Variants in SGK3 observed in about 807,000 individuals in gnomAD.
SGK3 encodes the protein serum/glucocorticoid regulated kinase family member 3, also known as serine/threonine-protein kinase Sgk3.
SGK3 carries 47 observed loss-of-function variants against 68.5 expected under a neutral mutation model. That is an observed-to-expected ratio of 0.69 (90% CI 0.54 to 0.87). SGK3 has a LOEUF of 0.87. SGK3 is among the 40% of genes least tolerant of loss of function. The pLI is 0.00. For synonymous variants in SGK3, 181 were observed against 189.1 expected, an observed-to-expected ratio of 0.96 and a Z score of 0.35; for missense variants, 479 against 575.5, an observed-to-expected ratio of 0.83 and a Z score of 1.72.
intron 1 of SGK3, among the ~76,000 whole-genome samples, chr8:66,715,652 T>C (rs1804612149): frequency 6.6e-6 from 1 of 152,242 alleles, no homozygotes; most frequent in Non-Finnish European, 1.5e-5. Context: ...CTATGTGTTT[T>C]ATTGAAATGT....
chr8:66,807,660 A>G (rs74728312), intron 4 of SGK3, among the ~76,000 whole-genome samples: 1,774 of 152,340 alleles, frequency 0.012, 21 homozygotes, highest in Admixed American at 0.018. Flanking sequence ...TTGGGGATAC[A>G]GGCATTCCCA....
chr8:66,848,140 G>A (rs966224066), intron 15 of SGK3, among the ~76,000 whole-genome samples: 2 of 152,136 alleles, frequency 1.3e-5, no homozygotes, highest in African/African-American at 4.8e-5. Context: ...TCAGCTGGTA[G>A]CTCTGCCAAC....
intron 1 of SGK3, among the ~76,000 whole-genome samples, chr8:66,744,801 T>C (rs113578690): frequency 0.13 from 19,648 of 150,094 alleles, 2,471 homozygotes; most frequent in African/African-American, 0.33. Flanking sequence ...CCACCATGCC[T>C]AGCCTTTTTT....
intron 16 of SGK3, among the ~76,000 whole-genome samples, chr8:66,851,613 G>A (rs575270890): frequency 1.3e-5 from 2 of 151,716 alleles, no homozygotes; most frequent in Middle Eastern, 3.5e-3. Context: ...GAAAACAATA[G>A]GATAGTATTA....
At chr8:66,821,148 G>A (rs935894433) in intron 5 of SGK3, among the ~76,000 whole-genome samples, 2 of 152,092 alleles carry the variant, frequency 1.3e-5, no homozygotes, top group Non-Finnish European at 2.9e-5. Flanking sequence ...GTCGTCATGA[G>A]TCCATCTGTG....
chr8:66,799,314 G>C (rs1807830245), intron 3 of SGK3, among the ~76,000 whole-genome samples: 1 of 152,186 alleles, frequency 6.6e-6, no homozygotes, highest in Non-Finnish European at 1.5e-5. Context: ...AGGAACATTT[G>C]AGCCTAGGAG....
intron 1 of SGK3, chr8:66,767,596 G>A (rs768748790): frequency 1.5e-6 from 2 of 1,369,144 alleles, no homozygotes; most frequent in East Asian, 2.3e-5. Context: ...GGGGAGATGT[G>A]CAATCTGGTG....
intron 3 of SGK3, among the ~76,000 whole-genome samples, chr8:66,800,558 A>G (rs946999322): frequency 6.6e-6 from 1 of 151,992 alleles, no homozygotes; most frequent in Non-Finnish European, 1.5e-5. Context: ...AGTTACACAT[A>G]TATATCAATT....
rs538591993 is a variant in SGK3 at position 66,781,238 on chromosome 8, C to T, written c.-121-12378C>T. On this transcript the variant is annotated intron_variant, in intron 1 of 16. Coordinates refer to ENST00000521198, the MANE Select transcript of SGK3 (RefSeq NM_001033578.3). ...CCTTGGGAGGCTGAGAAGGCTAGGACAGCCTTGCTGCCACTGCTACCATCT... is the reference window on the plus strand; with the variant it reads ...CCTTGGGAGGCTGAGAAGGCTAGGATAGCCTTGCTGCCACTGCTACCATCT... Among the ~76,000 whole-genome samples, 4 of 152,312 alleles carry T rather than the reference C, an allele frequency of 2.6e-5. No individual in the cohort carries two copies. The East Asian group carries it at 5.8e-4, about 22-fold the overall frequency.
At chr8:66,773,786 T>G (rs928828995) in intron 1 of SGK3, among the ~76,000 whole-genome samples, 2 of 152,156 alleles carry the variant, frequency 1.3e-5, no homozygotes, top group African/African-American at 4.8e-5. Flanking sequence ...TGGAGTGGGA[T>G]AGCGTGAGAT....
chr8:66,754,479 T>C (rs1563610603), intron 1 of SGK3, among the ~76,000 whole-genome samples: 1 of 152,234 alleles, frequency 6.6e-6, no homozygotes, highest in Non-Finnish European at 1.5e-5. Context: ...GTATCTTTTA[T>C]CCAAAATGCT....
chr8:66,751,827 G>A (rs539545296), intron 1 of SGK3, among the ~76,000 whole-genome samples: 29 of 151,806 alleles, frequency 1.9e-4, no homozygotes, highest in South Asian at 1.5e-3. Flanking sequence ...GTGCAGTGGC[G>A]CGATCTCGGC....
At chr8:66,787,857 G>A (rs1807273653) in intron 1 of SGK3, among the ~76,000 whole-genome samples, 1 of 152,134 alleles carries the variant, frequency 6.6e-6, no homozygotes, top group African/African-American at 2.4e-5. Context: ...TCACTGACCA[G>A]CAGGCCATCC....
At chr8:66,731,557 C>T (rs546975711) in intron 1 of SGK3, among the ~76,000 whole-genome samples, 75 of 152,140 alleles carry the variant, frequency 4.9e-4, no homozygotes, top group African/African-American at 1.5e-3. Flanking sequence ...TTGTTTGAGA[C>T]GGAGTCTTGC....
intron 3 of SGK3, among the ~76,000 whole-genome samples, chr8:66,801,712 CTTCT>C (rs1291435708): frequency 1.3e-5 from 2 of 151,978 alleles, no homozygotes; most frequent in Non-Finnish European, 2.9e-5. Context: ...ACATTTGAGA[CTTCT>C]TTCTGTCTTT....
At chr8:66,779,577 T>G (rs1374640970) in intron 1 of SGK3, among the ~76,000 whole-genome samples, 5 of 132,934 alleles carry the variant, frequency 3.8e-5, no homozygotes, top group Non-Finnish European at 6.5e-5. Flanking sequence ...TATATATATA[T>G]ATATATATAT....
chr8:66,840,667 TA>T (rs1809763529), intron 12 of SGK3: 1 of 201,680 alleles, frequency 5.0e-6, no homozygotes, highest in Non-Finnish European at 9.9e-6. Context: ...TGAAAATTGT[TA>T]ATTTATTGGC....
chr8:66,749,288 C>T (rs939007833), intron 1 of SGK3, among the ~76,000 whole-genome samples: 4 of 151,982 alleles, frequency 2.6e-5, no homozygotes, highest in African/African-American at 7.3e-5. Flanking sequence ...CCGAGGCGGG[C>T]GGATCACGAG....
chr8:66,850,947 C>CT, intron 16 of SGK3, 27 bp downstream of exon 16: 1 of 1,573,276 alleles, frequency 6.4e-7, no homozygotes, highest in Non-Finnish European at 8.6e-7. Context: ...ATCTTTCTTT[C>CT]TAGAATCGTG....
Sources: allele counts gnomAD v4.1 joint callset (sites outside exome capture counted in the v4.1 genomes callset), GRCh38; gene constraint gnomAD v4.1.1; transcripts MANE v1.5; gene names NCBI Gene and HGNC (gene_info 2026-07-23, HGNC 2026-07-21).